CFAP61: variants seen among roughly 807,000 people sequenced by gnomAD.
The protein encoded by CFAP61 is cilia- and flagella-associated protein 61.
In CFAP61, 107 loss-of-function variants were observed where a neutral mutation model predicts 135.6. That is an observed-to-expected ratio of 0.79 (90% CI 0.67 to 0.93). The LOEUF is 0.93. Among genes scored for constraint, CFAP61 ranks in the 40% least tolerant of loss-of-function variants. The pLI, the probability that CFAP61 is intolerant of heterozygous loss-of-function variation, is 0.00. For synonymous variants in CFAP61, 575 were observed against 578.5 expected (o/e 0.99, Z 0.09); for missense variants, 1,507 against 1,556.2 (o/e 0.97, Z 0.53).
At chr20:20,058,508 C>T (rs1189868117) in intron 2 of CFAP61, among the ~76,000 whole-genome samples, 1 of 152,154 alleles carries the variant, frequency 6.6e-6, no homozygotes, top group African/African-American at 2.4e-5. Context: ...ATAACTACTC[C>T]CTCCACCTAA....
intron 21 of CFAP61, among the ~76,000 whole-genome samples, chr20:20,266,911 T>C (rs1048562822): frequency 1.1e-4 from 17 of 152,310 alleles, no homozygotes; most frequent in Admixed American, 2.0e-4. Flanking sequence ...GGACAGTCTC[T>C]CATACATAGA....
At position 20,196,855 on chromosome 20, in the gene CFAP61, A is replaced by C. The variant is rs1396416209; in HGVS notation, c.1797+79A>C. Reference sequence around the variant, plus strand: ...TGGTGTTGTACGCCGCATTCTATTCATTCCTCTCATGATGGGTTTTGATGA... The same window carrying C: ...TGGTGTTGTACGCCGCATTCTATTCCTTCCTCTCATGATGGGTTTTGATGA... On this transcript the variant is annotated intron_variant, in intron 16 of 26. Coordinates refer to ENST00000245957, the MANE Select transcript of CFAP61 (RefSeq NM_015585.4). 3 of 1,209,352 alleles carry C rather than the reference A, an allele frequency of 2.5e-6. No individual in the cohort carries two copies. In the African/African-American group the frequency reaches 4.5e-5, roughly 18 times the overall value. 74.9% of individuals were successfully genotyped at this position (1,209,352 alleles called of 1,614,324 possible).
intron 4 of CFAP61, 124 bp from the exon 5 acceptor site, chr20:20,075,065 C>A: frequency 1.2e-6 from 1 of 849,744 alleles, no homozygotes; most frequent in South Asian, 1.4e-5. Context: ...AGGTGGGGAG[C>A]AAAGGAGCCC....
intron 22 of CFAP61, 79 bp from the exon 23 acceptor site, chr20:20,288,530 C>A (rs2054760740): frequency 2.7e-6 from 3 of 1,095,892 alleles, no homozygotes; most frequent in Non-Finnish European, 4.1e-6. Context: ...TAATAAAATG[C>A]CCTGGAGACT....
intron 10 of CFAP61, among the ~76,000 whole-genome samples, chr20:20,161,364 CGGA>C (rs1157669050): frequency 6.6e-6 from 1 of 151,966 alleles, no homozygotes; most frequent in Non-Finnish European, 1.5e-5. Context: ...CTCTCCCTAC[CGGA>C]GAAAAACACT....
intron 8 of CFAP61, among the ~76,000 whole-genome samples, chr20:20,112,943 T>G (rs2048897916): frequency 2.0e-5 from 3 of 152,192 alleles, no homozygotes; most frequent in Admixed American, 2.0e-4. Flanking sequence ...AGGGAAGTGG[T>G]TTGATTTTCA....
chr20:20,244,146 C>T (rs925442768), intron 18 of CFAP61, among the ~76,000 whole-genome samples: 1 of 152,122 alleles, frequency 6.6e-6, no homozygotes, highest in African/African-American at 2.4e-5. Flanking sequence ...GTGGCTTTTC[C>T]AGACATACAG....
At chr20:20,122,165 T>TGTA (rs1183301775) in intron 8 of CFAP61, among the ~76,000 whole-genome samples, 6 of 151,340 alleles carry the variant, frequency 4.0e-5, no homozygotes, top group Non-Finnish European at 7.4e-5. Context: ...TTGTTGTTGT[T>TGTA]GTTGTTGAGA....
intron 8 of CFAP61, among the ~76,000 whole-genome samples, chr20:20,122,446 T>C (rs6046638): frequency 0.9 from 136,494 of 152,246 alleles, 61,250 homozygotes; most frequent in East Asian, 0.95. Flanking sequence ...TAAGCTATCA[T>C]GCCTGGCTTG....
intron 15 of CFAP61, among the ~76,000 whole-genome samples, chr20:20,194,576 G>C (rs1206109796): frequency 1.3e-5 from 2 of 152,134 alleles, no homozygotes; most frequent in Admixed American, 1.3e-4. Flanking sequence ...TCAAAAGTCT[G>C]TCCATGTCAT....
intron 25 of CFAP61, among the ~76,000 whole-genome samples, chr20:20,325,946 C>T (rs6132288): frequency 0.2 from 30,860 of 151,944 alleles, 4,166 homozygotes; most frequent in African/African-American, 0.37. Context: ...TAGTGACTTA[C>T]CATATTGACC....
At chr20:20,263,209 A>T in intron 21 of CFAP61, 79 bp downstream of exon 21, 1 of 1,053,854 alleles carries the variant, frequency 9.5e-7, no homozygotes, top group East Asian at 2.6e-5. Context: ...ATCTAGTTCC[A>T]GTATATAATT....
At chr20:20,211,561 AT>A (rs1372425022) in intron 17 of CFAP61, among the ~76,000 whole-genome samples, 1 of 152,074 alleles carries the variant, frequency 6.6e-6, no homozygotes, top group South Asian at 2.1e-4. Context: ...AGCCATAAAG[AT>A]TTTTTTTACT....
intron 25 of CFAP61, among the ~76,000 whole-genome samples, chr20:20,304,936 T>C (rs1353970330): frequency 1.3e-5 from 2 of 152,158 alleles, no homozygotes; most frequent in Admixed American, 1.3e-4. Flanking sequence ...AATCTCTCCC[T>C]TCTTCACCTT....
At chr20:20,337,136 AG>A (rs750065860) in intron 25 of CFAP61, among the ~76,000 whole-genome samples, 29 of 152,184 alleles carry the variant, frequency 1.9e-4, no homozygotes, top group Non-Finnish European at 3.8e-4. Flanking sequence ...ATGTTTGTTG[AG>A]GGGTGGTGTG....
chr20:20,153,238 T>C (rs1398623429), intron 9 of CFAP61, among the ~76,000 whole-genome samples: 1 of 152,076 alleles, frequency 6.6e-6, no homozygotes, highest in Admixed American at 6.5e-5. Flanking sequence ...AAGAGGAAAG[T>C]TCATGGCATT....
chr20:20,070,444 C>G (rs1052939490), intron 2 of CFAP61, among the ~76,000 whole-genome samples: 1 of 152,066 alleles, frequency 6.6e-6, no homozygotes, highest in Non-Finnish European at 1.5e-5. Context: ...CCATGAAAGT[C>G]CTATATCTTG....
intron 21 of CFAP61, among the ~76,000 whole-genome samples, chr20:20,272,359 G>A (rs1191948129): frequency 1.3e-5 from 2 of 152,234 alleles, no homozygotes; most frequent in East Asian, 3.8e-4. Flanking sequence ...CCAGGAGGCA[G>A]AAGTTGCAGT....
intron 26 of CFAP61, among the ~76,000 whole-genome samples, chr20:20,358,379 A>C (rs2059352644): frequency 6.6e-6 from 1 of 152,194 alleles, no homozygotes. Flanking sequence ...TATTTGCCTG[A>C]AATAAACTTT....
Sources: allele counts gnomAD v4.1 joint callset (sites outside exome capture counted in the v4.1 genomes callset), GRCh38; gene constraint gnomAD v4.1.1; transcripts MANE v1.5; gene names NCBI Gene and HGNC (gene_info 2026-07-23, HGNC 2026-07-21).